Variants in MCM5 observed in about 807,000 individuals in gnomAD.
MCM5 encodes the protein minichromosome maintenance complex component 5.
MCM5 carries 46 observed loss-of-function variants against 79.9 expected under a neutral mutation model. The ratio of observed to expected loss-of-function variants is 0.58; its 90% CI spans 0.45 to 0.74. The LOEUF (loss-of-function observed/expected upper bound fraction) is 0.74. MCM5 is among the 30% of genes least tolerant of loss of function. The pLI is 0.00. For missense variants in MCM5, 883 were observed against 1,017.0 expected (o/e 0.87, Z 1.79); for synonymous variants, 404 against 390.5 (o/e 1.03, Z -0.41).
intron 14 of MCM5, 119 bp downstream of exon 14, chr22:35,420,131 C>T (rs1374228942): frequency 4.1e-6 from 5 of 1,221,874 alleles, no homozygotes; most frequent in Admixed American, 5.5e-5. Flanking sequence ...CATAGTAGCT[C>T]TGGGCAGGAA....
chr22:35,421,340 A>G lies in MCM5; in HGVS notation c.1855A>G (p.Ile619Val), dbSNP rs1932687221. 1.2e-6 allele frequency: 2 copies of G among 1,613,746 alleles called. No homozygotes were observed. The highest frequency in any genetic ancestry group is 1.1e-5 in the South Asian group (1 of 91,086). ...CAGGCAGCTGGAGGCCATTGTGCGC[A>G]TCGCGGAAGCCCTCAGCAAGATGAA... is the stretch of plus-strand genomic sequence containing the variant. ...TVRQLEAIVRIAEALSKMKLQ... is the reference protein window; with the variant it reads ...TVRQLEAIVRVAEALSKMKLQ... The change falls in exon 15 of 17, where the codon ATC (isoleucine) becomes GTC (valine). Residue 619 changes from isoleucine (I) to valine (V), a missense_variant. This residue lies in a region of MCM5 where 426 missense variants were observed against 482.3 expected (regional missense o/e 0.88). Coordinates refer to ENST00000216122, the MANE Select transcript of MCM5 (RefSeq NM_006739.4).
intron 6 of MCM5, among the ~76,000 whole-genome samples, chr22:35,409,155 A>G (rs1932303160): frequency 6.6e-6 from 1 of 152,088 alleles, no homozygotes; most frequent in Non-Finnish European, 1.5e-5. Context: ...AGTAGAGATG[A>G]GGTTTCACCT....
In MCM5 at chr22:35,406,595, A is replaced by G; in HGVS notation, c.466A>G (p.Ile156Val). ...CCTGGTGAAGATCCCTGGCATCATCATCGCGGCCTCTGCGGTCCGTGCCAA... is the reference window on the plus strand; with the variant it reads ...CCTGGTGAAGATCCCTGGCATCATCGTCGCGGCCTCTGCGGTCCGTGCCAA... ...SHLVKIPGII[I>V]AASAVRAKAT... Residue 156 changes from isoleucine to valine, a missense_variant, in exon 5 of 17, where the codon ATC becomes GTC. Ile to Val is a conservative substitution (Grantham distance 29). This residue lies in a region of MCM5 where 455 missense variants were observed against 517.5 expected (regional missense o/e 0.88). Coordinates refer to ENST00000216122, the MANE Select transcript of MCM5 (RefSeq NM_006739.4). 1.2e-6 allele frequency: 2 copies of G among 1,613,880 alleles called. No homozygotes were observed. The highest frequency in any genetic ancestry group is 1.7e-6 in the Non-Finnish European group (2 of 1,180,016).
chr22:35,406,247 C>A (rs1213873422), intron 4 of MCM5, among the ~76,000 whole-genome samples: 1 of 151,514 alleles, frequency 6.6e-6, no homozygotes. Flanking sequence ...TCTCTCCTGG[C>A]ACCTGCCACT....
At chr22:35,438,602 C>CCCACCCACACATCCATCCATCCAT in the MCM5 span, among the ~76,000 whole-genome samples, 1 of 57,074 alleles carries the variant, frequency 1.8e-5, no homozygotes, top group African/African-American at 1.2e-4. Context: ...CATGCATCCA[C>CCCACCCACACATCCATCCATCCAT]CCACCCACAT....
At chr22:35,411,029 C>A in intron 7 of MCM5, 119 bp downstream of exon 7, 1 of 856,122 alleles carries the variant, frequency 1.2e-6, no homozygotes, top group Non-Finnish European at 1.8e-6. Flanking sequence ...TTGCTCATAT[C>A]ATTAGAACGT....
chr22:35,420,126 T>C (rs1932658079), intron 14 of MCM5, 114 bp downstream of exon 14: 3 of 1,268,134 alleles, frequency 2.4e-6, no homozygotes, highest in Non-Finnish European at 1.1e-6. Context: ...AGGCCCATAG[T>C]AGCTCTGGGC....
intron 4 of MCM5, among the ~76,000 whole-genome samples, chr22:35,404,483 T>TC (rs976424011): frequency 3.2e-4 from 49 of 152,198 alleles, no homozygotes; most frequent in Middle Eastern, 3.4e-3. Context: ...ACATACCCCT[T>TC]CCCCCCCGTG....
the MCM5 span, among the ~76,000 whole-genome samples, chr22:35,435,240 T>TGGACCTGGAGGCAGAC: frequency 6.6e-6 from 1 of 152,164 alleles, no homozygotes; most frequent in Admixed American, 6.5e-5. Flanking sequence ...TGTGCATTGC[T>TGGACCTGGAGGCAGAC]GGACCTGGAG....
Position 35,416,723 on chromosome 22 carries a change from G to C in MCM5, c.1499G>C (p.Gly500Ala). The C allele has an allele frequency of 6.2e-7, 1 of 1,614,146 alleles. No homozygotes were observed. Among genetic ancestry groups the C allele is most frequent in the Non-Finnish European group, 8.5e-7 (1 of 1,180,038 alleles). Residue 500 changes from glycine (G) to alanine (A), a missense_variant, in exon 12 of 17, where the codon GGG becomes GCG. Gly to Ala is a moderately conservative substitution (Grantham distance 60, BLOSUM62 0). Coordinates refer to ENST00000216122, the MANE Select transcript of MCM5 (RefSeq NM_006739.4). ...TTCGGCCGCTGGGATGAGACGAAGG[G>C]GGAGGACAACATTGACTTCATGCCC... is the stretch of plus-strand genomic sequence containing the variant. ...SVFGRWDETKGEDNIDFMPTI... is the reference protein window; with the variant it reads ...SVFGRWDETKAEDNIDFMPTI...
At chr22:35,408,644 G>T (rs1932289630) in intron 6 of MCM5, 81 bp downstream of exon 6, 59 of 1,486,086 alleles carry the variant, frequency 4.0e-5, no homozygotes, top group Non-Finnish European at 4.8e-5. Context: ...TTGGGAGTGG[G>T]TCATCTGGAG....
intron 2 of MCM5, among the ~76,000 whole-genome samples, chr22:35,402,121 G>C (rs1358747632): frequency 6.6e-6 from 1 of 152,136 alleles, no homozygotes; most frequent in Non-Finnish European, 1.5e-5. Context: ...CTAAGCATCT[G>C]GGCTGGACGC....
the MCM5 span, among the ~76,000 whole-genome samples, chr22:35,451,565 C>G: frequency 2.0e-5 from 3 of 152,236 alleles, no homozygotes; most frequent in East Asian, 5.8e-4. Flanking sequence ...CCAGGTCGAC[C>G]AGGTGACTCG....
rs1357103944 is a variant in MCM5, at chr22:35,406,648, C to T, written c.519C>T (p.Arg173=). 3 of 1,612,544 alleles carry T rather than the reference C, an allele frequency of 1.9e-6. No individual in the cohort carries two copies. The highest frequency in any genetic ancestry group is 3.3e-5 in the Admixed American group (2 of 60,024). ...AKATRISIQC[R]SCRNTLTNIA... ...CCACCCGCATCTCTATCCAGTGCCG[C>T]AGCTGCCGCAACACCCTCACCAACA... Residue 173 remains arginine (R), a synonymous_variant, in exon 5 of 17, where the codon CGC becomes CGT. Transcript: ENST00000216122.
intron 2 of MCM5, 43 bp downstream of exon 2, chr22:35,400,648 C>G (rs1350626086): frequency 6.5e-7 from 1 of 1,529,434 alleles, no homozygotes; most frequent in African/African-American, 1.4e-5. Flanking sequence ...CCAGTGTGGC[C>G]GCTCACACGC....
At chr22:35,406,839 C>T in intron 5 of MCM5, 114 bp downstream of exon 5, 3 of 1,156,728 alleles carry the variant, frequency 2.6e-6, no homozygotes, top group South Asian at 2.9e-5. Context: ...CTGGGATGGG[C>T]TGGGCAGGGG....
At chr22:35,449,522 G>A in the MCM5 span, among the ~76,000 whole-genome samples, 2 of 151,312 alleles carry the variant, frequency 1.3e-5, no homozygotes, top group African/African-American at 4.9e-5. Flanking sequence ...TGGCTTCTCT[G>A]TCCTGATTGT....
chr22:35,436,256 C>T, the MCM5 span, among the ~76,000 whole-genome samples: 1 of 152,130 alleles, frequency 6.6e-6, no homozygotes, highest in Non-Finnish European at 1.5e-5. Context: ...CCTGCCCTCC[C>T]CGGCCTGGAT....
chr22:35,408,540 AC>A lies in MCM5; in HGVS notation c.730del (p.His244ThrfsTer33), dbSNP rs1440619433. On this transcript the variant is annotated frameshift_variant, in exon 6 of 17. Transcript: ENST00000216122. LOFTEE classifies it high-confidence loss of function. Reference sequence around the variant, plus strand: ...CAGTCCCCCACGGGGAGATGCCCAGACACATGCAGCTCTACTGCGACAGGTG... The same window carrying A: ...CAGTCCCCCACGGGGAGATGCCCAGAACATGCAGCTCTACTGCGACAGGTG... ...DAVPHGEMPR[H>X]MQLYCDRYLC... is the part of the protein sequence containing the mutation. 3.1e-6 allele frequency: 5 copies of A among 1,613,216 alleles called. No homozygotes were observed. Among genetic ancestry groups the A allele is most frequent in the Non-Finnish European group, 3.4e-6 (4 of 1,179,350 alleles).
Sources: gnomAD v4.1 joint callset for allele counts (sites outside exome capture counted in the v4.1 genomes callset) on GRCh38, gnomAD v4.1.1 for gene constraint, gnomAD v4.1.1 regional missense constraint, MANE v1.5 for transcripts, NCBI Gene and HGNC (gene_info 2026-07-23, HGNC 2026-07-21) for gene names.